Variants in SETD7 observed in about 807,000 individuals in gnomAD.
SETD7 encodes histone-lysine N-methyltransferase SETD7.
Under a neutral mutation model 41.8 loss-of-function variants are expected in SETD7, and 16 were observed. That is an observed-to-expected ratio of 0.38 (90% CI 0.26 to 0.58). The LOEUF (loss-of-function observed/expected upper bound fraction) is 0.58. Ranked by LOEUF, SETD7 falls within the 20% of genes least tolerant of loss-of-function variation. The pLI, the probability that SETD7 is intolerant of heterozygous loss-of-function variation, is 0.64. For missense variants in SETD7, 346 were observed against 459.7 expected (o/e 0.75, Z 2.26); for synonymous variants, 163 against 169.7 (o/e 0.96, Z 0.31).
intron 1 of SETD7, among the ~76,000 whole-genome samples, chr4:139,547,267 C>G (rs1727987672): frequency 6.6e-6 from 1 of 152,196 alleles, no homozygotes; most frequent in African/African-American, 2.4e-5. Flanking sequence ...ACTTTGTGAA[C>G]TGATAGGTCC....
intron 5 of SETD7, 147 bp from the exon 6 acceptor site, chr4:139,520,541 C>A: frequency 2.0e-6 from 1 of 493,140 alleles, no homozygotes; most frequent in East Asian, 3.2e-5. Flanking sequence ...AAAAGTTAAA[C>A]CACAATATTT....
intron 2 of SETD7, among the ~76,000 whole-genome samples, chr4:139,538,133 A>G (rs1727688824): frequency 6.6e-6 from 1 of 152,226 alleles, no homozygotes; most frequent in African/African-American, 2.4e-5. Flanking sequence ...TCTATTTTTA[A>G]AGAACAAGCA....
chr4:139,546,821 T>C (rs1642073544), intron 2 of SETD7, 99 bp downstream of exon 2: 17 of 1,528,220 alleles, frequency 1.1e-5, no homozygotes, highest in Non-Finnish European at 1.5e-5. Flanking sequence ...ATTGAATAAA[T>C]TGTAGAAAAA....
chr4:139,517,685 T>G (rs1727065846), intron 7 of SETD7, among the ~76,000 whole-genome samples, 200 bp downstream of exon 7: 1 of 152,154 alleles, frequency 6.6e-6, no homozygotes, highest in African/African-American at 2.4e-5. Context: ...CACTTTCCAT[T>G]TCTTAGATTG....
intron 7 of SETD7, among the ~76,000 whole-genome samples, chr4:139,517,604 AG>A (rs1192133764): frequency 4.6e-5 from 7 of 152,244 alleles, no homozygotes; most frequent in African/African-American, 1.7e-4. Context: ...CTGAAGGACA[AG>A]AAAAGCGGCT....
chr4:139,533,848 T>C (rs987676531), intron 2 of SETD7, among the ~76,000 whole-genome samples: 3 of 152,230 alleles, frequency 2.0e-5, no homozygotes, highest in African/African-American at 7.2e-5. Context: ...TACACATTTG[T>C]TTCAAGTCAC....
intron 4 of SETD7, among the ~76,000 whole-genome samples, 164 bp downstream of exon 4, chr4:139,528,867 T>C (rs1727402585): frequency 6.6e-6 from 1 of 152,180 alleles, no homozygotes; most frequent in African/African-American, 2.4e-5. Flanking sequence ...GTTGCTGTTG[T>C]AAACCACTGG....
downstream of SETD7, among the ~76,000 whole-genome samples, chr4:139,501,346 C>T (rs1391676541): frequency 2.0e-5 from 3 of 150,260 alleles, no homozygotes; most frequent in African/African-American, 7.3e-5. Flanking sequence ...AAACCAAAAC[C>T]CGTTATGTTT....
chr4:139,507,762 G>A lies in SETD7; in HGVS notation c.*3901C>T, dbSNP rs1726747711. The A allele has an allele frequency of 6.6e-6, 1 of 152,484 alleles. No homozygotes were observed. The highest frequency in any genetic ancestry group is 6.5e-5 in the Admixed American group (1 of 15,270). The allele number at this position is 152,484 out of a possible 1,614,324, so 9.4% of individuals were successfully genotyped here. On this transcript the variant is annotated 3_prime_UTR_variant, in exon 8 of 8. Coordinates refer to ENST00000274031, the MANE Select transcript of SETD7 (RefSeq NM_030648.4). ...CAACGAGTTTCCAAATTCCTGAAGG[G>A]AAAGATAAAAGAAAAACAATAATAA...
chr4:139,496,477 C>T (rs1726457199), exon 8 of SETD7: 1 of 702,268 alleles, frequency 1.4e-6, no homozygotes, highest in South Asian at 1.5e-5. Context: ...GAGTGGAGCC[C>T]CAAATCTGCT....
At chr4:139,544,331 TA>T (rs1278817678) in intron 2 of SETD7, among the ~76,000 whole-genome samples, 1 of 139,702 alleles carries the variant, frequency 7.2e-6, no homozygotes, top group South Asian at 2.3e-4. Context: ...TAAAATAAAA[TA>T]AAAAGAATGG....
chr4:139,542,874 T>C (rs1180063361), intron 2 of SETD7, among the ~76,000 whole-genome samples: 1 of 152,238 alleles, frequency 6.6e-6, no homozygotes, highest in African/African-American at 2.4e-5. Flanking sequence ...GATTCTATAA[T>C]TTTCTTGATA....
chr4:139,556,021 C>T, intron 1 of SETD7, 77 bp downstream of exon 1: 4 of 1,436,252 alleles, frequency 2.8e-6, no homozygotes, highest in Non-Finnish European at 3.7e-6. Flanking sequence ...CGGCGCCGCG[C>T]TGTTCGCAGC....
At chr4:139,535,027 A>C (rs140304166) in intron 2 of SETD7, among the ~76,000 whole-genome samples, 1 of 152,218 alleles carries the variant, frequency 6.6e-6, no homozygotes. Context: ...AAATTCATGA[A>C]GAGAATAAAG....
chr4:139,516,631 G>A (rs959477512), intron 7 of SETD7, among the ~76,000 whole-genome samples: 3 of 151,948 alleles, frequency 2.0e-5, no homozygotes, highest in Non-Finnish European at 4.4e-5. Flanking sequence ...ATGAGCAGAT[G>A]GAAGAGAAGG....
chr4:139,538,484 C>T (rs184571610), intron 2 of SETD7, among the ~76,000 whole-genome samples: 371 of 152,236 alleles, frequency 2.4e-3, no homozygotes, highest in African/African-American at 7.1e-3. Context: ...TGTGTGCCAC[C>T]AAACCTGGTT....
chr4:139,498,492 T>C (rs772588367), intron 7 of SETD7, among the ~76,000 whole-genome samples: 34 of 152,204 alleles, frequency 2.2e-4, no homozygotes, highest in Non-Finnish European at 4.6e-4. Context: ...GTCTACGTTT[T>C]CTCTTTACTC....
downstream of SETD7, among the ~76,000 whole-genome samples, chr4:139,494,830 T>C (rs1020159932): frequency 6.6e-6 from 1 of 152,252 alleles, no homozygotes; most frequent in East Asian, 1.9e-4. Context: ...TATGACAATA[T>C]GAGTTTATAA....
intron 1 of SETD7, among the ~76,000 whole-genome samples, chr4:139,547,491 C>T (rs570762144): frequency 6.6e-6 from 1 of 152,312 alleles, no homozygotes; most frequent in Admixed American, 6.5e-5. Context: ...TCAATTGCCA[C>T]ATACACAGTC....
Sources: allele counts gnomAD v4.1 joint callset (sites outside exome capture counted in the v4.1 genomes callset), GRCh38; gene constraint gnomAD v4.1.1; transcripts MANE v1.5; gene names NCBI Gene and HGNC (gene_info 2026-07-23, HGNC 2026-07-21).